The following CPSF4L variants were observed in gnomAD, a reference collection of about 807,000 sequenced individuals.
CPSF4L encodes putative cleavage and polyadenylation specificity factor subunit 4-like protein.
CPSF4L carries 18 observed loss-of-function variants against 24.0 expected under a neutral mutation model. That is an observed-to-expected ratio of 0.75 (90% CI 0.52 to 1.11). The LOEUF is 1.11. Ranked by LOEUF, CPSF4L falls within the 50% of genes least tolerant of loss-of-function variation. The probability of loss-of-function intolerance (pLI) is 0.00; values close to 1 mark genes in which losing one functional copy is unlikely to be tolerated. For synonymous variants in CPSF4L, 72 were observed against 77.2 expected, an observed-to-expected ratio of 0.93 and a Z score of 0.35; for missense variants, 211 against 221.8, an observed-to-expected ratio of 0.95 and a Z score of 0.31.
At chr17:73,245,630 A>G (rs2061939882), downstream of CPSF4L, 1 of 985,428 alleles carries the variant, frequency 1.0e-6, no homozygotes, top group Non-Finnish European at 1.2e-6. Flanking sequence ...AAATAAGCCC[A>G]CATCAGGCCC....
intron 1 of CPSF4L, 56 bp from the exon 2 acceptor site, chr17:73,261,039 C>T (rs1396327673): frequency 1.3e-5 from 18 of 1,430,838 alleles, no homozygotes; most frequent in Middle Eastern, 1.7e-4. Context: ...GCAGCTGTTC[C>T]GGAAGCCTCC....
chr17:73,261,570 A>G (rs1490470911), intron 1 of CPSF4L, 146 bp downstream of exon 1: 44 of 618,260 alleles, frequency 7.1e-5, no homozygotes. Context: ...CTGAGGCAGG[A>G]GAATGGCGTG....
At chr17:73,258,368 C>T (rs1234840234) in intron 2 of CPSF4L, among the ~76,000 whole-genome samples, 3 of 152,064 alleles carry the variant, frequency 2.0e-5, no homozygotes, top group Admixed American at 6.5e-5. Context: ...AGCAATGGCA[C>T]GGTCTCAGCT....
In CPSF4L at chr17:73,261,670, A is replaced by G. The variant is rs1282493799; in HGVS notation, c.103+46T>C. Reference sequence around the variant, plus strand: ...AGCGAGACTCCGTCTCAAAGAAAAAAAAACAGAGAAGGTAGGGGAGGGAAA... The same window carrying G: ...AGCGAGACTCCGTCTCAAAGAAAAAGAAACAGAGAAGGTAGGGGAGGGAAA... On this transcript the variant is annotated intron_variant, in intron 1 of 5. Coordinates refer to ENST00000344935, the MANE Select transcript of CPSF4L (RefSeq NM_001129885.1). The G allele has an allele frequency of 9.8e-6, 13 of 1,332,490 alleles. No homozygotes were observed. In the South Asian group the frequency reaches 1.4e-4, roughly 14 times the overall value. The allele number at this position is 1,332,490 out of a possible 1,614,324, so 82.5% of individuals were successfully genotyped here. A position where few individuals can be genotyped will look rare whatever the true frequency, so the allele number is the denominator to read the frequency against.
chr17:73,243,114 T>A, the CPSF4L span: 1 of 793,270 alleles, frequency 1.3e-6, no homozygotes. Flanking sequence ...AGCTTTACAG[T>A]ATCTGGCATG....
upstream of CPSF4L, chr17:73,262,050 C>T (rs2062049112): frequency 3.6e-6 from 2 of 559,030 alleles, no homozygotes; most frequent in Non-Finnish European, 6.4e-6. Flanking sequence ...GCCCCTCACC[C>T]CCACACTGTG....
At chr17:73,247,336 G>A (rs779427703), downstream of CPSF4L, 70 of 1,614,054 alleles carry the variant, frequency 4.3e-5, no homozygotes, top group Non-Finnish European at 5.7e-5. Flanking sequence ...AACATGTTTG[G>A]ATTAGGAAGC....
At chr17:73,260,871 G>A in intron 2 of CPSF4L, 62 bp downstream of exon 2, 5 of 1,404,586 alleles carry the variant, frequency 3.6e-6, no homozygotes, top group South Asian at 1.2e-5. Flanking sequence ...CCCCTGCTGG[G>A]TGTAGCTCAG....
chr17:73,248,618 A>C, intron 5 of CPSF4L, 82 bp from the exon 6 acceptor site: 6 of 1,367,922 alleles, frequency 4.4e-6, no homozygotes, highest in African/African-American at 1.4e-5. Flanking sequence ...CAGAAGAGGC[A>C]TGGTGACACC....
At position 73,248,666 on chromosome 17, in the gene CPSF4L, G is replaced by A. The variant is rs1457757934; in HGVS notation, c.498-130C>T. On this transcript the variant is annotated intron_variant, in intron 5 of 5. Coordinates refer to ENST00000344935, the MANE Select transcript of CPSF4L (RefSeq NM_001129885.1). ...CATGCTTGAGAGGACGTATTTGAAG[G>A]TTCTGTTACTACAAGTTGGGAATAT... is the stretch of plus-strand genomic sequence containing the variant. 1.2e-5 allele frequency: 11 copies of A among 915,272 alleles called. No individual in the cohort carries two copies. The East Asian group carries it at 2.7e-4, about 22-fold the overall frequency. The allele number at this position is 915,272 out of a possible 1,614,324, so 56.7% of individuals were successfully genotyped here.
At chr17:73,243,094 T>TTTGGTTTTTTTTTGG in the CPSF4L span, 4 of 954,936 alleles carry the variant, frequency 4.2e-6, no homozygotes, top group African/African-American at 6.7e-5. Context: ...TTTTTTTTTT[T>TTTGGTTTTTTTTTGG]TTTTTTTACA....
chr17:73,259,541 A>G (rs1278336886), intron 2 of CPSF4L, among the ~76,000 whole-genome samples: 1 of 152,038 alleles, frequency 6.6e-6, no homozygotes, highest in Non-Finnish European at 1.5e-5. Context: ...CTTGGTTCTG[A>G]CCTTCCACCA....
downstream of CPSF4L, chr17:73,247,584 T>C (rs1390085889): frequency 2.3e-6 from 1 of 438,642 alleles, no homozygotes; most frequent in African/African-American, 2.0e-5. Flanking sequence ...ATATTTTATA[T>C]CCCTGAAAAT....
At chr17:73,245,092 C>T (rs527800404), downstream of CPSF4L, 4 of 1,383,970 alleles carry the variant, frequency 2.9e-6, no homozygotes, top group African/African-American at 4.3e-5. Flanking sequence ...AGAGAATGAT[C>T]TGTAGAGGCA....
At chr17:73,242,893 C>T in the CPSF4L span, 2 of 1,609,154 alleles carry the variant, frequency 1.2e-6, no homozygotes, top group African/African-American at 1.3e-5. Flanking sequence ...TCCTTTTGAA[C>T]AGGCTGGATC....
chr17:73,247,471 A>G (rs377122682), downstream of CPSF4L: 10 of 824,386 alleles, frequency 1.2e-5, no homozygotes, highest in East Asian at 1.7e-4. Context: ...TCAGCCCTCA[A>G]GGTTATCAGG....
chr17:73,258,161 C>T (rs901456694), intron 2 of CPSF4L, among the ~76,000 whole-genome samples: 6 of 152,086 alleles, frequency 3.9e-5, no homozygotes, highest in Non-Finnish European at 7.4e-5. Flanking sequence ...AGGCGCCAGC[C>T]ACCACGCCCT....
At chr17:73,251,084 C>T (rs1436017727) in intron 5 of CPSF4L, 12 of 1,547,500 alleles carry the variant, frequency 7.8e-6, no homozygotes, top group South Asian at 2.4e-5. Flanking sequence ...GTGCTGAATC[C>T]CGGGGCCGGC....
intron 5 of CPSF4L, chr17:73,248,739 G>T: frequency 3.6e-6 from 2 of 556,294 alleles, no homozygotes; most frequent in Non-Finnish European, 6.4e-6. Context: ...CGTGGTCTGT[G>T]TAAGTGGATT....
Sources: allele counts gnomAD v4.1 joint callset (sites outside exome capture counted in the v4.1 genomes callset), GRCh38; gene constraint gnomAD v4.1.1; transcripts MANE v1.5; gene names NCBI Gene and HGNC (gene_info 2026-07-23, HGNC 2026-07-21).